SVOPL: variants seen among roughly 807,000 people sequenced by gnomAD.
The protein encoded by SVOPL is putative transporter SVOPL.
SVOPL carries 60 observed loss-of-function variants against 61.0 expected under a neutral mutation model. That is an observed-to-expected ratio of 0.98 (90% CI 0.80 to 1.22). The LOEUF is 1.22. Ranked by LOEUF, SVOPL falls within the 50% of genes most tolerant of loss-of-function variation. SVOPL has a pLI of 0.00. For synonymous variants in SVOPL, 279 were observed against 250.0 expected (o/e 1.12, Z -1.09); for missense variants, 662 against 643.9 (o/e 1.03, Z -0.30).
intron 13 of SVOPL, among the ~76,000 whole-genome samples, chr7:138,621,808 A>T (rs1274918954): frequency 8.7e-6 from 1 of 115,166 alleles, no homozygotes; most frequent in African/African-American, 3.2e-5. Context: ...CTATGTATCT[A>T]TCTATGTATC....
rs1313774807 is a variant in SVOPL at position 138,596,200 on chromosome 7, A to AAAG, written c.1467+216_1467+217insCTT. On this transcript the variant is annotated intron_variant, in intron 15 of 15. Coordinates refer to ENST00000674285, the MANE Select transcript of SVOPL (RefSeq NM_001139456.2). The stretch of plus-strand genomic sequence containing the variant: ...TCAGACTCTGTCTTAAAAAAAAAAA[A>AAAG]AAAAAAAGAAAGAAAAGTGGGAAGG... Among the ~76,000 whole-genome samples, 3 of 151,854 alleles carry AAAG rather than the reference A, an allele frequency of 2.0e-5. No individual in the cohort carries two copies. In the East Asian group the frequency reaches 5.8e-4, roughly 29 times the overall value.
chr7:138,621,890 C>CTATGTATCTATCTATG (rs1563095642), intron 13 of SVOPL, among the ~76,000 whole-genome samples: 1 of 55,412 alleles, frequency 1.8e-5, no homozygotes, highest in Non-Finnish European at 4.1e-5. Flanking sequence ...ATCTATCTAT[C>CTATGTATCTATCTATG]TATCTATCTA....
intron 14 of SVOPL, among the ~76,000 whole-genome samples, chr7:138,608,521 C>T (rs546113720): frequency 3.3e-4 from 51 of 152,248 alleles, no homozygotes; most frequent in African/African-American, 1.1e-3. Flanking sequence ...CAGCTGTTTC[C>T]GGCATTGGAC....
intron 1 of SVOPL, among the ~76,000 whole-genome samples, chr7:138,698,145 G>A (rs1402200042): frequency 6.6e-6 from 1 of 151,732 alleles, no homozygotes; most frequent in Non-Finnish European, 1.5e-5. Context: ...GCAAGAGGAG[G>A]AAGGAAAGAA....
intron 9 of SVOPL, among the ~76,000 whole-genome samples, chr7:138,631,771 G>A (rs753665324): frequency 5.9e-5 from 9 of 152,032 alleles, no homozygotes; most frequent in Non-Finnish European, 1.3e-4. Context: ...GTTTTACCAT[G>A]TTGCCCAGGC....
chr7:138,601,017 T>C (rs1288746250), intron 14 of SVOPL, among the ~76,000 whole-genome samples: 1 of 152,000 alleles, frequency 6.6e-6, no homozygotes, highest in Non-Finnish European at 1.5e-5. Flanking sequence ...TTTGGGAGGC[T>C]GAGGCGGGTG....
Position 138,659,998 on chromosome 7 carries a change from C to G in SVOPL, c.346-10G>C. 1 of 1,551,394 alleles carries G rather than the reference C, an allele frequency of 6.4e-7. No homozygotes were observed. The highest frequency in any genetic ancestry group is 2.4e-5 in the East Asian group (1 of 40,878). On this transcript the variant is annotated splice_polypyrimidine_tract_variant and intron_variant, in intron 5 of 15. Coordinates refer to ENST00000674285, the MANE Select transcript of SVOPL (RefSeq NM_001139456.2). Reference sequence around the variant, plus strand: ...ACGAGATGAGCAGAATCTGAAGCAACAGCAGAACACATGAATGGGACCTGC... The same window carrying G: ...ACGAGATGAGCAGAATCTGAAGCAAGAGCAGAACACATGAATGGGACCTGC...
At chr7:138,639,704 G>T (rs1215226226) in intron 9 of SVOPL, among the ~76,000 whole-genome samples, 1 of 152,038 alleles carries the variant, frequency 6.6e-6, no homozygotes, top group Non-Finnish European at 1.5e-5. Context: ...CTTTACAAGA[G>T]ATACTTTGAG....
chr7:138,608,489 C>T (rs563700394), intron 14 of SVOPL, among the ~76,000 whole-genome samples: 1 of 152,296 alleles, frequency 6.6e-6, no homozygotes, highest in Non-Finnish European at 1.5e-5. Context: ...AGACAGCCGG[C>T]TTGCCACTGG....
rs151143836 is a variant in SVOPL at position 138,625,996 on chromosome 7, G to A, written c.1236C>T (p.Phe412=). 2.1e-5 allele frequency: 34 copies of A among 1,614,144 alleles called. 1 individual carries two copies. The Middle Eastern group carries it at 8.2e-4, about 39-fold the overall frequency. The change falls in exon 13 of 16, where the codon TTC becomes TTT. Residue 412 remains phenylalanine (F), a synonymous_variant. Coordinates refer to ENST00000674285, the MANE Select transcript of SVOPL (RefSeq NM_001139456.2). ...CAGCTGTGTAAATGTAGACGGTGTT[G>A]AAGTTTGCAGCTACCAGAGCCCTCA... ...FMLRALVAAN[F]NTVYIYTAEV...
intron 13 of SVOPL, among the ~76,000 whole-genome samples, chr7:138,622,190 CTATCTATCTA>C (rs1799671496): frequency 1.4e-5 from 1 of 73,324 alleles, no homozygotes; most frequent in African/African-American, 5.2e-5. Context: ...ATGTATCTAT[CTATCTATCTA>C]TGTATCTATC....
In SVOPL at chr7:138,641,272, C is replaced by CA. The variant is rs199906922; in HGVS notation, c.789+3444dup. Reference sequence around the variant, plus strand: ...TTAAATTCAGTTTAGACAACTACAACAAAAAAAAAAATGTAAGGTCCAAAG... The same window carrying CA: ...TTAAATTCAGTTTAGACAACTACAACAAAAAAAAAAAATGTAAGGTCCAAAG... On this transcript the variant is annotated intron_variant, in intron 9 of 15. Coordinates refer to ENST00000674285, the MANE Select transcript of SVOPL (RefSeq NM_001139456.2). Among the ~76,000 whole-genome samples, 769 of 131,594 alleles carry CA rather than the reference C, an allele frequency of 5.8e-3. 7 individuals are homozygous for CA. The highest frequency in any genetic ancestry group is 0.035 in the South Asian group (144 of 4,158). The allele number at this position is 131,594 out of a possible 152,430, so 86.3% of individuals were successfully genotyped here.
intron 8 of SVOPL, among the ~76,000 whole-genome samples, chr7:138,647,702 G>A (rs1801188307): frequency 2.0e-5 from 3 of 151,942 alleles, no homozygotes; most frequent in Admixed American, 2.0e-4. Flanking sequence ...ACAAAAATTA[G>A]TCGGGCGTGG....
chr7:138,628,031 T>C (rs1799969569), intron 11 of SVOPL, 127 bp downstream of exon 11: 1 of 1,110,552 alleles, frequency 9.0e-7, no homozygotes, highest in African/African-American at 1.5e-5. Context: ...TTTTCAGCAC[T>C]ACTTGGCAAC....
intron 1 of SVOPL, among the ~76,000 whole-genome samples, chr7:138,687,227 T>TC (rs1802836815): frequency 8.2e-6 from 1 of 121,800 alleles, no homozygotes; most frequent in Non-Finnish European, 1.7e-5. Flanking sequence ...CCTTTTTTCC[T>TC]CTTTTTTTTT....
At chr7:138,661,157 G>A in intron 5 of SVOPL, 1 of 985,240 alleles carries the variant, frequency 1.0e-6, no homozygotes, top group Non-Finnish European at 1.2e-6. Context: ...TCCTCCATTT[G>A]TGTTTATGCT....
At chr7:138,688,689 G>A (rs764151256) in intron 1 of SVOPL, among the ~76,000 whole-genome samples, 4 of 152,154 alleles carry the variant, frequency 2.6e-5, no homozygotes, top group Non-Finnish European at 5.9e-5. Context: ...GTGTGTTGCT[G>A]GTGGGAATTT....
At position 138,626,062 on chromosome 7, in the gene SVOPL, G is replaced by A. The variant is rs1799879016; in HGVS notation, c.1182-12C>T. 1.2e-6 allele frequency: 2 copies of A among 1,613,718 alleles called. No individual in the cohort carries two copies. The highest frequency in any genetic ancestry group is 1.7e-6 in the Non-Finnish European group (2 of 1,179,884). On this transcript the variant is annotated splice_polypyrimidine_tract_variant and intron_variant, in intron 12 of 15. Transcript: ENST00000674285. ...CAATCAGGCCGGCACTAGAAAACAG[G>A]AAGCGGAGAGAAATTATAAAAGGCA...
intron 13 of SVOPL, among the ~76,000 whole-genome samples, chr7:138,623,124 T>C (rs1241338772): frequency 6.6e-6 from 1 of 152,168 alleles, no homozygotes; most frequent in Non-Finnish European, 1.5e-5. Context: ...GGAATATCTT[T>C]ATGGGGAACT....
Sources: gnomAD v4.1 joint callset for allele counts (sites outside exome capture counted in the v4.1 genomes callset) on GRCh38, gnomAD v4.1.1 for gene constraint, MANE v1.5 for transcripts, NCBI Gene and HGNC (gene_info 2026-07-23, HGNC 2026-07-21) for gene names.